The following CPLANE1 variants were observed in gnomAD, a reference collection of about 807,000 sequenced individuals.
The protein encoded by CPLANE1 is ciliogenesis and planar polarity effector complex subunit 1.
Under a neutral mutation model 362.5 loss-of-function variants are expected in CPLANE1, and 263 were observed. The ratio of observed to expected loss-of-function variants is 0.73; its 90% CI spans 0.66 to 0.80. CPLANE1 has a LOEUF of 0.80. CPLANE1 is among the 30% of genes least tolerant of loss of function. The pLI is 0.00. For synonymous variants in CPLANE1, 1,212 were observed against 1,302.6 expected (o/e 0.93, Z 1.50); for missense variants, 3,461 against 3,793.4 (o/e 0.91, Z 2.30).
chr5:37,247,045 C>T (rs1181210460), intron 2 of CPLANE1, among the ~76,000 whole-genome samples: 1 of 152,218 alleles, frequency 6.6e-6, no homozygotes, highest in Non-Finnish European at 1.5e-5. Flanking sequence ...ACTCCTGTTA[C>T]AGGGGAGTTA....
Position 37,120,307 on chromosome 5 carries a change from A to G in CPLANE1, c.9219T>C (p.Asn3073=). 1 of 1,593,932 alleles carries G rather than the reference A, an allele frequency of 6.3e-7. No homozygotes were observed. Among genetic ancestry groups the G allele is most frequent in the Non-Finnish European group, 8.5e-7 (1 of 1,173,606 alleles). ...ACATATATTTGACTTTTCCAGGTCG[A>G]TTTATTAGAAAACTGTGACCATGTT... is the stretch of plus-strand genomic sequence containing the variant. ...ENQHGHSFLI[N]RPGKVKYMSK... Residue 3073 remains asparagine (N), a synonymous_variant, in exon 50 of 53, where the codon AAT becomes AAC. Transcript: ENST00000651892.
intron 41 of CPLANE1, among the ~76,000 whole-genome samples, chr5:37,156,393 CAGG>C (rs1196724412): frequency 6.6e-6 from 1 of 152,040 alleles, no homozygotes; most frequent in Non-Finnish European, 1.5e-5. Context: ...CACTTCAGAC[CAGG>C]AGTTTAAGAC....
Position 37,137,929 on chromosome 5 carries a change from T to TTTTA in CPLANE1, c.8792+787_8792+790dup, listed in dbSNP as rs1768267547. On this transcript the variant is annotated intron_variant, in intron 46 of 52. Transcript: ENST00000651892. ...TCAGATATCAGGGTTGTTTTTTTTT[T>TTTTA]TTTAATTTATTGAGACTTGCTTTAA... Among the ~76,000 whole-genome samples the TTTTA allele has an allele frequency of 2.6e-5, 4 of 152,258 alleles. No individual in the cohort carries two copies. In the South Asian group the frequency reaches 8.3e-4, roughly 32 times the overall value.
chr5:37,236,992 T>C (rs1799144689), intron 8 of CPLANE1, among the ~76,000 whole-genome samples: 2 of 152,148 alleles, frequency 1.3e-5, no homozygotes, highest in South Asian at 4.1e-4. Flanking sequence ...ACAAACATGA[T>C]TGGTGGGAAC....
chr5:37,152,794 T>C (rs981119576), intron 42 of CPLANE1, among the ~76,000 whole-genome samples: 2 of 151,900 alleles, frequency 1.3e-5, no homozygotes, highest in Non-Finnish European at 2.9e-5. Context: ...GAGGCTGAGG[T>C]GGGAGGATTG....
Position 37,209,421 on chromosome 5 carries a change from C to T in CPLANE1, c.2921-2996G>A, listed in dbSNP as rs1290076455. 4 of 1,288,800 alleles carry T rather than the reference C, an allele frequency of 3.1e-6. No individual in the cohort carries two copies. Among genetic ancestry groups the T allele is most frequent in the Middle Eastern group, 1.9e-4 (1 of 5,346 alleles). The allele number at this position is 1,288,800 out of a possible 1,614,324, so 79.8% of individuals were successfully genotyped here. ...TGATGTGTTGAGTCAAAATGAACTG[C>T]GCAAAAAGCTATACCAGACATTTAA... is the stretch of plus-strand genomic sequence containing the variant. On this transcript the variant is annotated intron_variant, in intron 16 of 52. Coordinates refer to ENST00000651892, the MANE Select transcript of CPLANE1 (RefSeq NM_001384732.1). This position sits in a 1 kb window ranked among gnomAD's most constrained non-coding sequence, Gnocchi z 4.6.
rs35945783 is a variant in CPLANE1, at chr5:37,199,096, C to CAAA, written c.3508-233_3508-231dup. Among the ~76,000 whole-genome samples the CAAA allele has an allele frequency of 1.8e-3, 84 of 46,994 alleles. 1 individual carries two copies. Among genetic ancestry groups the CAAA allele is most frequent in the Middle Eastern group, 0.014 (1 of 74 alleles). The allele number at this position is 46,994 out of a possible 152,430, so 30.8% of individuals were successfully genotyped here. ...TGGGCCACACAGGGACACCCTGTCT[C>CAAA]AAAAAAAAAAAAAAAAAAAAAAAAA... is the stretch of plus-strand genomic sequence containing the variant. On this transcript the variant is annotated intron_variant, in intron 19 of 52. Coordinates refer to ENST00000651892, the MANE Select transcript of CPLANE1 (RefSeq NM_001384732.1).
intron 42 of CPLANE1, among the ~76,000 whole-genome samples, chr5:37,150,274 T>TG (rs1773114733): frequency 6.6e-6 from 1 of 152,162 alleles, no homozygotes; most frequent in Non-Finnish European, 1.5e-5. Flanking sequence ...TGAATACTCA[T>TG]CCTTACAAGG....
chr5:37,147,694 T>A (rs868455430), intron 43 of CPLANE1, among the ~76,000 whole-genome samples: 3 of 151,950 alleles, frequency 2.0e-5, no homozygotes, highest in African/African-American at 7.3e-5. Context: ...AGAACACAGG[T>A]ATGAACCACA....
At chr5:37,125,934 A>G (rs1304433307) in intron 46 of CPLANE1, among the ~76,000 whole-genome samples, 1 of 152,164 alleles carries the variant, frequency 6.6e-6, no homozygotes, top group Non-Finnish European at 1.5e-5. Flanking sequence ...TATCTCTATC[A>G]CTTTCAAAAC....
rs1009393649 is a variant in CPLANE1, at chr5:37,238,951, C to A, written c.844G>T (p.Val282Leu). The A allele has an allele frequency of 3.4e-6, 5 of 1,472,964 alleles. No homozygotes were observed. Among genetic ancestry groups the A allele is most frequent in the Admixed American group, 2.6e-5 (1 of 38,750 alleles). 91.2% of individuals were successfully genotyped at this position (1,472,964 alleles called of 1,614,324 possible). The change falls in exon 8 of 53, where the codon GTA becomes TTA. Residue 282 changes from valine (V) to leucine (L), a missense_variant. Physicochemically the swap from Val to Leu is conservative, Grantham distance 32 (BLOSUM62 1). Coordinates refer to ENST00000651892, the MANE Select transcript of CPLANE1 (RefSeq NM_001384732.1). ...AAATTCAGTGTGTTTATAAATAATA[C>A]CTGAGTTGCCTAGAAAGGAAAAAAA... ...LNQKDPKATQ[V>L]LFINTLNFVT...
intron 50 of CPLANE1, among the ~76,000 whole-genome samples, chr5:37,119,948 C>T (rs1342397601): frequency 6.6e-6 from 1 of 151,132 alleles, no homozygotes; most frequent in African/African-American, 2.4e-5. Flanking sequence ...GATCTCGCCA[C>T]TGCACTCCAG....
At chr5:37,165,900 A>G (rs1425086936) in intron 35 of CPLANE1, among the ~76,000 whole-genome samples, 1 of 152,220 alleles carries the variant, frequency 6.6e-6, no homozygotes, top group African/African-American at 2.4e-5. Flanking sequence ...ATTCTATATT[A>G]GTCACTGGAA....
intron 21 of CPLANE1, among the ~76,000 whole-genome samples, chr5:37,192,336 G>T (rs1785774321): frequency 6.6e-6 from 1 of 151,984 alleles, no homozygotes; most frequent in Admixed American, 6.6e-5. Context: ...GAACTCCTAG[G>T]CTCAAGCAAT....
At chr5:37,104,450 A>C (rs1002291620), downstream of CPLANE1, among the ~76,000 whole-genome samples, 1 of 151,718 alleles carries the variant, frequency 6.6e-6, no homozygotes, top group African/African-American at 2.4e-5. Flanking sequence ...AATACAGAAA[A>C]GTAGCCGGGC....
chr5:37,093,694 C>T, the CPLANE1 span, among the ~76,000 whole-genome samples: 1 of 152,158 alleles, frequency 6.6e-6, no homozygotes, highest in African/African-American at 2.4e-5. Context: ...CCACTCCTGA[C>T]AAACCTGTTG....
chr5:37,101,277 T>C (rs948625952), downstream of CPLANE1, among the ~76,000 whole-genome samples: 1 of 152,242 alleles, frequency 6.6e-6, no homozygotes, highest in Non-Finnish European at 1.5e-5. Context: ...TAGAGGTATG[T>C]TCCTTCAATA....
chr5:37,239,580 C>CAAAAAAAAAAAAAAAAAAACCAAA (rs1799851965), intron 7 of CPLANE1, 133 bp downstream of exon 7: 1 of 287,384 alleles, frequency 3.5e-6, no homozygotes, highest in Admixed American at 8.6e-5. Flanking sequence ...GAGACCCTGT[C>CAAAAAAAAAAAAAAAAAAACCAAA]AAAAAAAAAA....
At chr5:37,204,847 A>T (rs1790249450) in intron 18 of CPLANE1, among the ~76,000 whole-genome samples, 1 of 151,972 alleles carries the variant, frequency 6.6e-6, no homozygotes, top group African/African-American at 2.4e-5. Context: ...TCCCATGGTT[A>T]AGTATAAATA....
Sources: allele counts gnomAD v4.1 joint callset (sites outside exome capture counted in the v4.1 genomes callset), GRCh38; gene constraint gnomAD v4.1.1; non-coding constraint Gnocchi (gnomAD v3.1); transcripts MANE v1.5; gene names NCBI Gene and HGNC (gene_info 2026-07-23, HGNC 2026-07-21).